The following AGBL2 variants were observed in gnomAD, a reference collection of about 807,000 sequenced individuals.
AGBL2 encodes cytosolic carboxypeptidase 2.
In AGBL2, 87 loss-of-function variants were observed where a neutral mutation model predicts 103.0. The observed-to-expected ratio is 0.84, with a 90% CI of 0.71 to 1.01. The LOEUF (loss-of-function observed/expected upper bound fraction) is 1.01, where lower values mean the gene tolerates loss of function less well. Ranked by LOEUF, AGBL2 falls within the 50% of genes least tolerant of loss-of-function variation. AGBL2 has a pLI of 0.00. For synonymous variants in AGBL2, 335 were observed against 356.7 expected, an observed-to-expected ratio of 0.94 and a Z score of 0.69; for missense variants, 904 against 1,023.5, an observed-to-expected ratio of 0.88 and a Z score of 1.59.
intron 9 of AGBL2, among the ~76,000 whole-genome samples, 156 bp downstream of exon 9, chr11:47,691,947 G>GA (rs2097449182): frequency 6.7e-6 from 1 of 150,366 alleles, no homozygotes; most frequent in African/African-American, 2.4e-5. Flanking sequence ...TTATTTTGGG[G>GA]AAAAAATGAG....
chr11:47,662,164 T>C (rs1031644574), intron 18 of AGBL2, among the ~76,000 whole-genome samples: 2 of 151,846 alleles, frequency 1.3e-5, no homozygotes, highest in Non-Finnish European at 2.9e-5. Flanking sequence ...TTTTTAAAGT[T>C]TTTATATTTT....
intron 4 of AGBL2, among the ~76,000 whole-genome samples, chr11:47,709,077 G>A (rs1048869190): frequency 1.3e-5 from 2 of 152,190 alleles, no homozygotes; most frequent in Non-Finnish European, 2.9e-5. Flanking sequence ...AGCTGAGATA[G>A]TGCTACTGTA....
intron 14 of AGBL2, among the ~76,000 whole-genome samples, chr11:47,671,172 TG>T: frequency 6.6e-6 from 1 of 152,144 alleles, no homozygotes; most frequent in East Asian, 1.9e-4. Context: ...GGGGTTTAGT[TG>T]GCTAGAACCA....
chr11:47,679,618 T>C (rs923570398), intron 13 of AGBL2, among the ~76,000 whole-genome samples: 4 of 151,938 alleles, frequency 2.6e-5, no homozygotes, highest in Non-Finnish European at 5.9e-5. Flanking sequence ...TTTGGACCCA[T>C]GTGAAACTGA....
intron 8 of AGBL2, among the ~76,000 whole-genome samples, chr11:47,693,348 A>T (rs2097455423): frequency 6.6e-6 from 1 of 152,060 alleles, no homozygotes; most frequent in African/African-American, 2.4e-5. Context: ...AGATTTTTAT[A>T]GTTTCAGTAC....
At chr11:47,670,088 TGGA>T (rs1443407262) in intron 14 of AGBL2, among the ~76,000 whole-genome samples, 1 of 152,122 alleles carries the variant, frequency 6.6e-6, no homozygotes, top group Non-Finnish European at 1.5e-5. Context: ...TTGCCCTTGG[TGGA>T]GGTTGTGAGA....
At chr11:47,714,562 C>T in intron 2 of AGBL2, 56 bp downstream of exon 2, 1 of 1,586,298 alleles carries the variant, frequency 6.3e-7, no homozygotes, top group African/African-American at 1.4e-5. Flanking sequence ...GTGGAGTTCC[C>T]GAAGAAATGG....
At chr11:47,686,785 C>A (rs1361975068) in intron 10 of AGBL2, among the ~76,000 whole-genome samples, 1 of 151,554 alleles carries the variant, frequency 6.6e-6, no homozygotes, top group Non-Finnish European at 1.5e-5. Flanking sequence ...ACCTGGTGAA[C>A]CCCATCTCTA....
At chr11:47,673,633 A>G (rs2097364199) in intron 14 of AGBL2, among the ~76,000 whole-genome samples, 1 of 148,906 alleles carries the variant, frequency 6.7e-6, no homozygotes, top group African/African-American at 2.5e-5. Flanking sequence ...CTCAAAAAGA[A>G]AAAAAAAAAT....
At chr11:47,710,265 A>G (rs2153805610) in intron 4 of AGBL2, 112 bp downstream of exon 4, 1 of 1,298,642 alleles carries the variant, frequency 7.7e-7, no homozygotes, top group South Asian at 1.3e-5. Flanking sequence ...TTAGAAACAG[A>G]GGCCAAGGCT....
intron 4 of AGBL2, among the ~76,000 whole-genome samples, chr11:47,708,957 A>C (rs1048369663): frequency 6.6e-6 from 1 of 152,058 alleles, no homozygotes; most frequent in African/African-American, 2.4e-5. Flanking sequence ...CACTGTCTCT[A>C]CTAAAAGTAC....
Position 47,690,141 on chromosome 11 carries a change from C to T in AGBL2, c.1566G>A (p.Arg522=). Residue 522 remains arginine (R), a synonymous_variant, in exon 10 of 19, where the codon AGG becomes AGA. Transcript: ENST00000525123. ...ACTCCTTCAGAATGGTTTTATAATGCCTGTTCAAATCCCTTCCGGCCAAGG... is the reference window on the plus strand; with the variant it reads ...ACTCCTTCAGAATGGTTTTATAATGTCTGTTCAAATCCCTTCCGGCCAAGG... ...RCSLAGRDLN[R]HYKTILKESF... 2 of 1,614,056 alleles carry T rather than the reference C, an allele frequency of 1.2e-6. No individual in the cohort carries two copies. Among genetic ancestry groups the T allele is most frequent in the Non-Finnish European group, 1.7e-6 (2 of 1,179,992 alleles).
chr11:47,673,569 G>A (rs1185657027), intron 14 of AGBL2, among the ~76,000 whole-genome samples: 15 of 151,620 alleles, frequency 9.9e-5, no homozygotes, highest in Admixed American at 9.9e-4. Context: ...AGACTGCAGT[G>A]AGCCGAGATC....
rs1340527956 is a variant in AGBL2, at chr11:47,714,293, A to T, written c.88T>A (p.Tyr30Asn). 6.2e-7 allele frequency: 1 copy of T among 1,612,452 alleles called. No homozygotes were observed. Among genetic ancestry groups the T allele is most frequent in the Non-Finnish European group, 8.5e-7 (1 of 1,179,008 alleles). The change falls in exon 3 of 19, where the codon TAC (tyrosine) becomes AAC (asparagine). Residue 30 changes from tyrosine (Y) to asparagine (N), a missense_variant. Physicochemically the swap from Tyr to Asn is moderately radical, Grantham distance 143. Transcript: ENST00000525123. ...AAGAACATGGTATTACCTTTAAAGT[A>T]GCCATAATATTGGAGGTGACGGTAC... ...FMYRHLQYYGYFKAQRGSLPN... is the reference protein window; with the variant it reads ...FMYRHLQYYGNFKAQRGSLPN...
intron 13 of AGBL2, among the ~76,000 whole-genome samples, chr11:47,678,330 A>ATTATTTTTTTTTT (rs1565026506): frequency 8.7e-5 from 10 of 114,506 alleles, no homozygotes; most frequent in Non-Finnish European, 1.4e-4. Flanking sequence ...ATTTTATTTT[A>ATTATTTTTTTTTT]TTTTATTATT....
chr11:47,663,940 C>T (rs1346849169), intron 17 of AGBL2, among the ~76,000 whole-genome samples: 4 of 150,748 alleles, frequency 2.7e-5, no homozygotes, highest in Admixed American at 6.6e-5. Flanking sequence ...CGGCAACCTC[C>T]ACCTCTTGAG....
chr11:47,694,832 G>T (rs927777562), intron 8 of AGBL2, among the ~76,000 whole-genome samples: 1 of 152,142 alleles, frequency 6.6e-6, no homozygotes. Flanking sequence ...AGGGGAATGG[G>T]GAATAGTAAG....
In AGBL2 at chr11:47,663,011, T is replaced by A; in HGVS notation, c.2535+15A>T. The A allele has an allele frequency of 6.3e-7, 1 of 1,576,836 alleles. No homozygotes were observed. The highest frequency in any genetic ancestry group is 8.7e-7 in the Non-Finnish European group (1 of 1,148,778). The stretch of plus-strand genomic sequence containing the variant: ...CACTGGCATATAAGTATATACAGTA[T>A]ATTAGGTGAAGTACCTGCATTCTCC... On this transcript the variant is annotated intron_variant, in intron 18 of 18. Coordinates refer to ENST00000525123, the MANE Select transcript of AGBL2 (RefSeq NM_024783.4).
intron 13 of AGBL2, among the ~76,000 whole-genome samples, chr11:47,679,679 T>C (rs1200396228): frequency 1.3e-5 from 2 of 151,540 alleles, no homozygotes; most frequent in African/African-American, 2.4e-5. Flanking sequence ...TCTCGCTCTG[T>C]CCCCCAGGCT....
Sources: gnomAD v4.1 joint callset for allele counts (sites outside exome capture counted in the v4.1 genomes callset) on GRCh38, gnomAD v4.1.1 for gene constraint, MANE v1.5 for transcripts, NCBI Gene and HGNC (gene_info 2026-07-23, HGNC 2026-07-21) for gene names.